CCDC73: variants seen among roughly 807,000 people sequenced by gnomAD.
The protein encoded by CCDC73 is coiled-coil domain-containing protein 73.
In CCDC73, 95 loss-of-function variants were observed where a neutral mutation model predicts 116.5. That is an observed-to-expected ratio of 0.82 (90% CI 0.69 to 0.97). The LOEUF (loss-of-function observed/expected upper bound fraction) is 0.97, where lower values mean the gene tolerates loss of function less well. CCDC73 is among the 50% of genes least tolerant of loss of function. CCDC73 has a pLI of 0.00. For synonymous variants in CCDC73, 398 were observed against 401.3 expected (o/e 0.99, Z 0.10); for missense variants, 1,066 against 1,206.8 (o/e 0.88, Z 1.73).
chr11:32,796,574 A>G (rs1311132598), upstream of CCDC73, among the ~76,000 whole-genome samples: 6 of 152,134 alleles, frequency 3.9e-5, no homozygotes, highest in Non-Finnish European at 7.4e-5. Flanking sequence ...AATTTCCCCA[A>G]TGATCAGTGC....
At chr11:32,812,683 A>T in the CCDC73 span, among the ~76,000 whole-genome samples, 13 of 151,596 alleles carry the variant, frequency 8.6e-5, no homozygotes, top group African/African-American at 1.5e-4. Context: ...AAAAAAAAAA[A>T]AAAAATTAGT....
intron 3 of CCDC73, among the ~76,000 whole-genome samples, chr11:32,712,201 G>T (rs1425165724): frequency 3.9e-5 from 6 of 151,938 alleles, no homozygotes; most frequent in Non-Finnish European, 7.4e-5. Context: ...CTTATATATG[G>T]GACCTAAAAA....
chr11:32,809,414 G>C, the CCDC73 span, among the ~76,000 whole-genome samples: 5 of 152,198 alleles, frequency 3.3e-5, no homozygotes, highest in African/African-American at 1.2e-4. Flanking sequence ...AGGACGCTAG[G>C]GGGCGGAGAG....
intron 6 of CCDC73, among the ~76,000 whole-genome samples, chr11:32,692,401 T>C (rs916911513): frequency 6.6e-6 from 1 of 152,166 alleles, no homozygotes; most frequent in Non-Finnish European, 1.5e-5. Context: ...TAATTTCCTT[T>C]TGTCCATGTG....
rs144031031 is a variant in CCDC73, at chr11:32,740,606, T to C, written c.135+19503A>G. ...TGTTTTCTTAGTCTGGATAACAGTTTGTCAATTTTATTTTTTCAAAAAAAG... is the reference window on the plus strand; with the variant it reads ...TGTTTTCTTAGTCTGGATAACAGTTCGTCAATTTTATTTTTTCAAAAAAAG... On this transcript the variant is annotated intron_variant, in intron 2 of 17. Transcript: ENST00000335185. 1.9e-3 allele frequency among the ~76,000 whole-genome samples: 285 copies of C among 152,118 alleles called. 2 individuals carry two copies. The highest frequency in any genetic ancestry group is 6.7e-3 in the African/African-American group (279 of 41,554).
At position 32,675,652 on chromosome 11, in the gene CCDC73, A is replaced by G; in HGVS notation, c.566-8T>C. 4 of 1,573,024 alleles carry G rather than the reference A, an allele frequency of 2.5e-6. No homozygotes were observed. The highest frequency in any genetic ancestry group is 3.4e-6 in the Non-Finnish European group (4 of 1,162,354). ...ATTGTATTGCTTCCCGTACTGCAAC[A>G]TGAAAGACATTTAAGAAAGCATTAT... On this transcript the variant is annotated splice_polypyrimidine_tract_variant and splice_region_variant and intron_variant, in intron 8 of 17. Transcript: ENST00000335185.
chr11:32,702,297 G>T (rs957958706), intron 4 of CCDC73, among the ~76,000 whole-genome samples: 5 of 152,198 alleles, frequency 3.3e-5, no homozygotes, highest in Non-Finnish European at 5.9e-5. Flanking sequence ...GAACTGAAGA[G>T]AAATTTTAGT....
At chr11:32,695,224 C>T (rs1364215470) in intron 6 of CCDC73, among the ~76,000 whole-genome samples, 1 of 152,110 alleles carries the variant, frequency 6.6e-6, no homozygotes, top group Non-Finnish European at 1.5e-5. Context: ...CAAAAATTAG[C>T]TTGGCATGGT....
intron 17 of CCDC73, chr11:32,605,188 T>C (rs1590536791): frequency 6.7e-6 from 1 of 149,760 alleles, no homozygotes. Flanking sequence ...TTTAATGAAC[T>C]TAAATGTTTA....
intron 3 of CCDC73, among the ~76,000 whole-genome samples, chr11:32,706,860 A>C (rs966918565): frequency 1.3e-5 from 2 of 152,142 alleles, no homozygotes; most frequent in African/African-American, 4.8e-5. Context: ...ATGTAAACAG[A>C]ATTGCAAAAT....
chr11:32,662,417 G>T (rs984794449), intron 9 of CCDC73, among the ~76,000 whole-genome samples: 1 of 152,156 alleles, frequency 6.6e-6, no homozygotes, highest in African/African-American at 2.4e-5. Context: ...GTTTTGATTT[G>T]CATTTCTCTG....
At chr11:32,739,585 A>G (rs757384790) in intron 2 of CCDC73, among the ~76,000 whole-genome samples, 10 of 152,108 alleles carry the variant, frequency 6.6e-5, no homozygotes, top group Non-Finnish European at 1.2e-4. Flanking sequence ...ATCAGTTCTA[A>G]TAGTTTTTGG....
At chr11:32,657,611 A>G (rs1855885406) in intron 9 of CCDC73, among the ~76,000 whole-genome samples, 1 of 151,998 alleles carries the variant, frequency 6.6e-6, no homozygotes, top group Non-Finnish European at 1.5e-5. Flanking sequence ...CTGGCTCCTG[A>G]TTGGGTTAAA....
chr11:32,758,946 G>C (rs896625870), intron 2 of CCDC73, among the ~76,000 whole-genome samples: 2 of 151,998 alleles, frequency 1.3e-5, no homozygotes, highest in African/African-American at 4.8e-5. Flanking sequence ...GATGAACACT[G>C]TGGTATTTAA....
At chr11:32,700,756 T>G (rs993195949) in intron 5 of CCDC73, 35 bp downstream of exon 5, 2 of 1,065,774 alleles carry the variant, frequency 1.9e-6, no homozygotes, top group Non-Finnish European at 1.4e-6. Flanking sequence ...AAATACTTTT[T>G]AATAGACAGA....
intron 14 of CCDC73, among the ~76,000 whole-genome samples, chr11:32,629,927 AAAAAAAAC>A (rs1271210142): frequency 4.0e-5 from 6 of 148,750 alleles, no homozygotes; most frequent in African/African-American, 1.5e-4. Flanking sequence ...TATGCAAAAA[AAAAAAAAC>A]AAAAAAAAAA....
At chr11:32,649,424 G>A (rs1855807806) in intron 12 of CCDC73, among the ~76,000 whole-genome samples, 1 of 152,128 alleles carries the variant, frequency 6.6e-6, no homozygotes, top group African/African-American at 2.4e-5. Flanking sequence ...TTCCTATCAT[G>A]AGAATTTAGC....
chr11:32,830,144 G>A, the CCDC73 span: 1 of 1,008,220 alleles, frequency 9.9e-7, no homozygotes, highest in Middle Eastern at 4.9e-4. Context: ...CTGGCCCGGG[G>A]GCTGCTGGAA....
At chr11:32,698,750 A>G (rs1849781243) in intron 6 of CCDC73, among the ~76,000 whole-genome samples, 1 of 152,214 alleles carries the variant, frequency 6.6e-6, no homozygotes, top group South Asian at 2.1e-4. Context: ...ATGCTGAGAA[A>G]AGTGTTTGCA....
Sources: allele counts gnomAD v4.1 joint callset (sites outside exome capture counted in the v4.1 genomes callset), GRCh38; gene constraint gnomAD v4.1.1; transcripts MANE v1.5; gene names NCBI Gene and HGNC (gene_info 2026-07-23, HGNC 2026-07-21).